The following CPXM2 variants were observed in gnomAD, a reference collection of about 807,000 sequenced individuals.
The protein encoded by CPXM2 is inactive carboxypeptidase-like protein X2.
CPXM2 carries 66 observed loss-of-function variants against 86.1 expected under a neutral mutation model. The ratio of observed to expected loss-of-function variants is 0.77; its 90% CI spans 0.63 to 0.94. The LOEUF (loss-of-function observed/expected upper bound fraction) is 0.94. CPXM2 is among the 40% of genes least tolerant of loss of function. The probability of loss-of-function intolerance (pLI) is 0.00; values close to 1 mark genes in which losing one functional copy is unlikely to be tolerated. For synonymous variants in CPXM2, 388 were observed against 400.2 expected (o/e 0.97, Z 0.36); for missense variants, 948 against 1,026.3 (o/e 0.92, Z 1.04).
chr10:123,932,515 T>G (rs1173822603), intron 2 of CPXM2, among the ~76,000 whole-genome samples: 4 of 152,218 alleles, frequency 2.6e-5, no homozygotes, highest in Non-Finnish European at 5.9e-5. Context: ...TCAACTGCCT[T>G]TTGCAGTGGC....
chr10:123,746,133 T>C lies in CPXM2; in HGVS notation c.*631A>G, dbSNP rs964563244. ...TGCTGCCCAACAAACTCCTGAATGA[T>C]CTCAGCCTCTCTCTCCTTTTCTGAA... On this transcript the variant is annotated 3_prime_UTR_variant, in exon 14 of 14. Coordinates refer to ENST00000241305, the MANE Select transcript of CPXM2 (RefSeq NM_198148.3). 6.6e-6 allele frequency: 1 copy of C among 152,356 alleles called. No individual in the cohort carries two copies. The highest frequency in any genetic ancestry group is 1.5e-5 in the Non-Finnish European group (1 of 68,218). 9.4% of individuals were successfully genotyped at this position (152,356 alleles called of 1,614,324 possible).
intron 4 of CPXM2, among the ~76,000 whole-genome samples, chr10:123,826,192 G>T (rs2134121713): frequency 6.6e-6 from 1 of 152,296 alleles, no homozygotes; most frequent in African/African-American, 2.4e-5. Flanking sequence ...CACACAGAAA[G>T]TGGCAAACTT....
intron 11 of CPXM2, 46 bp from the exon 12 acceptor site, chr10:123,757,398 T>C (rs1382313280): frequency 4.5e-6 from 7 of 1,568,262 alleles, no homozygotes; most frequent in Non-Finnish European, 6.1e-6. Context: ...ATACTCAAAA[T>C]GGCACTGGGG....
chr10:123,924,892 C>G (rs1176971633), intron 2 of CPXM2, among the ~76,000 whole-genome samples: 2 of 152,094 alleles, frequency 1.3e-5, no homozygotes, highest in African/African-American at 4.8e-5. Context: ...CTGATTAGAA[C>G]AAAATACCCC....
chr10:123,915,906 G>A lies in CPXM2; in HGVS notation n.174+23571C>T, dbSNP rs28627023. 2.0e-3 allele frequency among the ~76,000 whole-genome samples: 301 copies of A among 152,228 alleles called. 2 individuals carry two copies. Among genetic ancestry groups the A allele is most frequent in the South Asian group, 4.4e-3 (21 of 4,818 alleles). Reference sequence around the variant, plus strand: ...CGCCGAATACTCCTGACGTTGGCCAGCAAAGCCCTCTGCTGCCCTTGAGCA... The same window carrying A: ...CGCCGAATACTCCTGACGTTGGCCAACAAAGCCCTCTGCTGCCCTTGAGCA... On this transcript the variant is annotated intron_variant and non_coding_transcript_variant, in intron 2 of 19. Coordinates refer to the CPXM2 transcript ENST00000368854.
upstream of CPXM2, among the ~76,000 whole-genome samples, chr10:123,896,710 T>C (rs946053104): frequency 6.6e-6 from 1 of 152,214 alleles, no homozygotes; most frequent in Non-Finnish European, 1.5e-5. Flanking sequence ...AAGATGCTGT[T>C]GCAAAAGCTC....
At chr10:123,747,308 G>A (rs904898051) in intron 13 of CPXM2, among the ~76,000 whole-genome samples, 7 of 152,208 alleles carry the variant, frequency 4.6e-5, no homozygotes, top group African/African-American at 1.7e-4. Context: ...GACAATATGA[G>A]CCATTCATGA....
chr10:123,761,947 T>C lies in CPXM2; in HGVS notation c.1702A>G (p.Arg568Gly), dbSNP rs1235223071. 1.2e-6 allele frequency: 2 copies of C among 1,613,596 alleles called. No homozygotes were observed. The highest frequency in any genetic ancestry group is 4.5e-5 in the East Asian group (2 of 44,880). The change falls in exon 11 of 14, where the codon AGG (arginine) becomes GGG (glycine). Residue 568 changes from arginine (R) to glycine (G), a missense_variant. Arg to Gly is a moderately radical substitution (Grantham distance 125). Coordinates refer to ENST00000241305, the MANE Select transcript of CPXM2 (RefSeq NM_198148.3). ...TGGAAGTCCTCCGTGTGGCACACCCTCCTCCGGGCGTCTGTCATGAGGCGG... is the reference window on the plus strand; with the variant it reads ...TGGAAGTCCTCCGTGTGGCACACCCCCCTCCGGGCGTCTGTCATGAGGCGG... Reference protein sequence around the residue: ...THRLMTDARRRVCHTEDFQKE... With the variant: ...THRLMTDARRGVCHTEDFQKE...
At chr10:123,850,978 G>A (rs76788908) in intron 3 of CPXM2, among the ~76,000 whole-genome samples, 1,683 of 152,264 alleles carry the variant, frequency 0.011, 22 homozygotes, top group African/African-American at 0.036. Context: ...TTTTATGAAC[G>A]CTTCCATTGC....
At chr10:123,909,210 G>A in intron 2 of CPXM2, among the ~76,000 whole-genome samples, 1 of 152,244 alleles carries the variant, frequency 6.6e-6, no homozygotes, top group East Asian at 1.9e-4. Context: ...CCACCCTGAG[G>A]TTCAGCGTCC....
At chr10:123,837,008 A>G (rs1411476035) in intron 4 of CPXM2, among the ~76,000 whole-genome samples, 8 of 152,220 alleles carry the variant, frequency 5.3e-5, no homozygotes, top group Non-Finnish European at 1.0e-4. Context: ...CTCCACCTGG[A>G]TCTTCCGCCC....
At chr10:123,804,088 G>T (rs1175806488) in intron 4 of CPXM2, among the ~76,000 whole-genome samples, 3 of 152,098 alleles carry the variant, frequency 2.0e-5, no homozygotes, top group Non-Finnish European at 4.4e-5. Context: ...TATGTTTCTG[G>T]ATGCTCTATT....
rs185914997 is a variant in CPXM2 at position 123,776,358 on chromosome 10, G to A, written c.978+3809C>T. Among the ~76,000 whole-genome samples, 426 of 152,282 alleles carry A rather than the reference G, an allele frequency of 2.8e-3. 2 individuals carry two copies. Among genetic ancestry groups the A allele is most frequent in the Admixed American group, 7.0e-3 (107 of 15,292 alleles). On this transcript the variant is annotated intron_variant, in intron 7 of 13. Coordinates refer to ENST00000241305, the MANE Select transcript of CPXM2 (RefSeq NM_198148.3). ...ACTCTGTTTTCCCAACTCTGAGATG[G>A]AAATAAACTTTGCATCCTAGTGTCT...
chr10:123,832,503 G>A, intron 4 of CPXM2, among the ~76,000 whole-genome samples: 1 of 152,220 alleles, frequency 6.6e-6, no homozygotes, highest in Non-Finnish European at 1.5e-5. Flanking sequence ...TTCATATGTT[G>A]GAACCAAATC....
chr10:123,787,134 G>GC (rs1847078293), intron 6 of CPXM2, among the ~76,000 whole-genome samples: 1 of 152,180 alleles, frequency 6.6e-6, no homozygotes, highest in Non-Finnish European at 1.5e-5. Flanking sequence ...CTCCAAGGTG[G>GC]CTCCCAGGTG....
chr10:123,888,606 GT>G (rs1302710552), intron 1 of CPXM2, among the ~76,000 whole-genome samples: 1 of 152,254 alleles, frequency 6.6e-6, no homozygotes, highest in East Asian at 1.9e-4. Flanking sequence ...TCCTAGTGTA[GT>G]TTAACTGCAC....
intron 2 of CPXM2, among the ~76,000 whole-genome samples, chr10:123,924,308 A>G (rs1390652023): frequency 6.6e-6 from 1 of 152,168 alleles, no homozygotes; most frequent in East Asian, 1.9e-4. Flanking sequence ...TCCCCAGGTT[A>G]CCCACAGTTC....
intron 3 of CPXM2, among the ~76,000 whole-genome samples, chr10:123,846,716 T>C (rs148284330): frequency 1.5e-4 from 23 of 152,142 alleles, no homozygotes; most frequent in African/African-American, 5.5e-4. Flanking sequence ...CCCAAGACAG[T>C]AGACATGTAG....
At chr10:123,817,990 C>T (rs1847848214) in intron 4 of CPXM2, among the ~76,000 whole-genome samples, 1 of 152,074 alleles carries the variant, frequency 6.6e-6, no homozygotes, top group Non-Finnish European at 1.5e-5. Context: ...GGGCTGTAGC[C>T]AATGGTTTGG....
Sources: gnomAD v4.1 joint callset for allele counts (sites outside exome capture counted in the v4.1 genomes callset) on GRCh38, gnomAD v4.1.1 for gene constraint, MANE v1.5 for transcripts, NCBI Gene and HGNC (gene_info 2026-07-23, HGNC 2026-07-21) for gene names.